The following FKTN variants were observed in gnomAD, a reference collection of about 807,000 sequenced individuals.
FKTN encodes fukutin.
FKTN carries 47 observed loss-of-function variants against 58.6 expected under a neutral mutation model. The ratio of observed to expected loss-of-function variants is 0.80; its 90% CI spans 0.63 to 1.02. The LOEUF (loss-of-function observed/expected upper bound fraction) is 1.02, where lower values mean the gene tolerates loss of function less well. Ranked by LOEUF, FKTN falls within the 50% of genes least tolerant of loss-of-function variation. The pLI is 0.00. For synonymous variants in FKTN, 178 were observed against 191.9 expected (o/e 0.93, Z 0.60); for missense variants, 516 against 537.3 (o/e 0.96, Z 0.39).
intron 6 of FKTN, among the ~76,000 whole-genome samples, chr9:105,604,920 C>T (rs893011899): frequency 2.0e-5 from 3 of 149,254 alleles, no homozygotes; most frequent in Non-Finnish European, 3.0e-5. Flanking sequence ...TGTGATACCA[C>T]ACTCTAGGCT....
At position 105,635,430 on chromosome 9, in the gene FKTN, AG is replaced by A; in HGVS notation, c.*168del. ...GATGTAATTCTCTCACTTAGTACTG[AG>A]GAATTTTCATGTGCCACATACAATG... is the stretch of plus-strand genomic sequence containing the variant. On this transcript the variant is annotated 3_prime_UTR_variant, in exon 11 of 11. Coordinates refer to ENST00000357998, the MANE Select transcript of FKTN (RefSeq NM_001079802.2). The A allele has an allele frequency of 6.8e-7, 1 of 1,461,796 alleles. No homozygotes were observed. Among genetic ancestry groups the A allele is most frequent in the Non-Finnish European group, 9.0e-7 (1 of 1,114,232 alleles). The allele number at this position is 1,461,796 out of a possible 1,614,324, so 90.6% of individuals were successfully genotyped here.
chr9:105,560,229 C>T (rs1431618661), intron 1 of FKTN, among the ~76,000 whole-genome samples: 1 of 152,184 alleles, frequency 6.6e-6, no homozygotes, highest in Non-Finnish European at 1.5e-5. Context: ...ATCCTCCCTG[C>T]ATGTAAAGCC....
chr9:105,594,757 T>C (rs1308773380), intron 3 of FKTN, among the ~76,000 whole-genome samples: 1 of 151,972 alleles, frequency 6.6e-6, no homozygotes, highest in Non-Finnish European at 1.5e-5. Context: ...ATAATAGTAA[T>C]AATAATAAAG....
intron 1 of FKTN, among the ~76,000 whole-genome samples, chr9:105,559,273 G>T (rs1350175915): frequency 6.6e-6 from 1 of 152,244 alleles, no homozygotes; most frequent in Admixed American, 6.5e-5. Context: ...ATAAGGTGAT[G>T]TTGGGCCAGC....
Position 105,577,792 on chromosome 9 carries a change from T to C in FKTN, c.105+2655T>C, listed in dbSNP as rs1479482124. Among the ~76,000 whole-genome samples the C allele has an allele frequency of 6.3e-4, 95 of 150,734 alleles. 2 individuals carry two copies. Among genetic ancestry groups the C allele is most frequent in the African/African-American group, 2.3e-3 (92 of 40,486 alleles). On this transcript the variant is annotated intron_variant, in intron 3 of 10. Transcript: ENST00000357998. ...CCATTTTCACAATATTGATTCTTCCTACCCATGAGCATGGAATGTTCTTCC... is the reference window on the plus strand; with the variant it reads ...CCATTTTCACAATATTGATTCTTCCCACCCATGAGCATGGAATGTTCTTCC...
intron 3 of FKTN, among the ~76,000 whole-genome samples, chr9:105,585,242 T>C (rs941848903): frequency 6.6e-6 from 1 of 152,084 alleles, no homozygotes; most frequent in Non-Finnish European, 1.5e-5. Flanking sequence ...CTGGGCAACA[T>C]AGTAAGATCT....
At chr9:105,572,696 A>G (rs1840956259) in intron 1 of FKTN, among the ~76,000 whole-genome samples, 1 of 152,208 alleles carries the variant, frequency 6.6e-6, no homozygotes, top group African/African-American at 2.4e-5. Flanking sequence ...TCTCTTGCTG[A>G]GGCAAAGTAG....
chr9:105,631,849 A>G (rs1262835018), intron 10 of FKTN, among the ~76,000 whole-genome samples: 1 of 150,742 alleles, frequency 6.6e-6, no homozygotes, highest in African/African-American at 2.5e-5. Context: ...CCATTGTGGA[A>G]GTCAGTGTGG....
intron 10 of FKTN, among the ~76,000 whole-genome samples, chr9:105,621,592 TTC>T (rs1417655435): frequency 6.6e-6 from 1 of 152,122 alleles, no homozygotes; most frequent in Admixed American, 6.5e-5. Context: ...GATTACTCAT[TTC>T]TTATGTATCC....
intron 3 of FKTN, among the ~76,000 whole-genome samples, chr9:105,583,676 T>G (rs933732483): frequency 1.3e-5 from 2 of 152,190 alleles, no homozygotes; most frequent in Admixed American, 6.5e-5. Context: ...ATATTCATGA[T>G]GTACTCCCTC....
intron 10 of FKTN, among the ~76,000 whole-genome samples, chr9:105,621,915 C>T (rs1243088259): frequency 6.6e-6 from 1 of 152,008 alleles, no homozygotes. Context: ...ACGTGTGAAA[C>T]CCTGTGCAGG....
At chr9:105,584,808 G>A (rs1843623301) in intron 3 of FKTN, among the ~76,000 whole-genome samples, 1 of 151,988 alleles carries the variant, frequency 6.6e-6, no homozygotes. Flanking sequence ...GTGACGGGGA[G>A]ATCGTGTCTT....
chr9:105,565,475 C>G (rs36132053), intron 1 of FKTN, among the ~76,000 whole-genome samples: 1 of 151,360 alleles, frequency 6.6e-6, no homozygotes, highest in Non-Finnish European at 1.5e-5. Flanking sequence ...AAATGGAAAA[C>G]AAAAAAAGGT....
chr9:105,559,652 C>G (rs999142331), intron 1 of FKTN, among the ~76,000 whole-genome samples: 1 of 151,668 alleles, frequency 6.6e-6, no homozygotes, highest in South Asian at 2.1e-4. Context: ...CCACTGCACT[C>G]CGGCCTGGGC....
At chr9:105,566,734 CA>C (rs1839697055) in intron 1 of FKTN, among the ~76,000 whole-genome samples, 1 of 152,222 alleles carries the variant, frequency 6.6e-6, no homozygotes, top group Non-Finnish European at 1.5e-5. Flanking sequence ...GAGCTGGTAC[CA>C]TTCCTTCTGA....
In FKTN at chr9:105,607,136, A is replaced by G. The variant is rs141596747; in HGVS notation, c.648-683A>G. Among the ~76,000 whole-genome samples the G allele has an allele frequency of 4.1e-4, 62 of 152,242 alleles. No homozygotes were observed. The East Asian group carries it at 0.012, about 28-fold the overall frequency. ...AAACATGTGACAATAGATAAAAGCT[A>G]TCTCTACATTGTAAAATTTTATATG... On this transcript the variant is annotated intron_variant, in intron 6 of 10. Transcript: ENST00000357998.
chr9:105,566,394 G>C (rs1256854717), intron 1 of FKTN, among the ~76,000 whole-genome samples: 1 of 151,994 alleles, frequency 6.6e-6, no homozygotes, highest in Non-Finnish European at 1.5e-5. Context: ...AAAATTGATA[G>C]ACCACTAGCA....
intron 1 of FKTN, among the ~76,000 whole-genome samples, chr9:105,560,870 C>A (rs4742952): frequency 6.6e-6 from 1 of 151,894 alleles, no homozygotes; most frequent in Non-Finnish European, 1.5e-5. Flanking sequence ...GGATGGATCA[C>A]GAGGTCAAGA....
intron 10 of FKTN, chr9:105,624,477 A>T (rs1357858038): frequency 6.6e-6 from 1 of 152,006 alleles, no homozygotes; most frequent in Non-Finnish European, 1.5e-5. Context: ...AAAATTTTTT[A>T]AAAATTACCC....
Sources: allele counts gnomAD v4.1 joint callset (sites outside exome capture counted in the v4.1 genomes callset), GRCh38; gene constraint gnomAD v4.1.1; transcripts MANE v1.5; gene names NCBI Gene and HGNC (gene_info 2026-07-23, HGNC 2026-07-21).